CHMP4C: variants seen among roughly 807,000 people sequenced by gnomAD.
The protein encoded by CHMP4C is charged multivesicular body protein 4C, also known as SNF7 homolog associated with Alix 3.
Under a neutral mutation model 29.0 loss-of-function variants are expected in CHMP4C, and 28 were observed. That is an observed-to-expected ratio of 0.97 (90% CI 0.72 to 1.32). CHMP4C has a LOEUF of 1.32. Among genes scored for constraint, CHMP4C ranks in the 40% most tolerant of loss-of-function variants. The pLI is 0.00. For synonymous variants in CHMP4C, 106 were observed against 102.4 expected (o/e 1.04, Z -0.21); for missense variants, 291 against 281.0 (o/e 1.04, Z -0.25).
intron 3 of CHMP4C, among the ~76,000 whole-genome samples, chr8:81,757,552 T>A (rs1323932294): frequency 1.3e-5 from 2 of 152,126 alleles, no homozygotes; most frequent in African/African-American, 2.4e-5. Context: ...CAGAGAGTAG[T>A]TTAAGATTAA....
chr8:81,733,693 G>A (rs114116305), intron 1 of CHMP4C, among the ~76,000 whole-genome samples: 1,779 of 152,192 alleles, frequency 0.012, 28 homozygotes, highest in African/African-American at 0.04. Flanking sequence ...TCCTTCTATT[G>A]GAATACCTCT....
chr8:81,743,972 A>G (rs1808793870), intron 1 of CHMP4C, among the ~76,000 whole-genome samples: 1 of 152,224 alleles, frequency 6.6e-6, no homozygotes, highest in Non-Finnish European at 1.5e-5. Flanking sequence ...CAAAGTTACT[A>G]GCTTGCTTAT....
At chr8:81,736,685 A>T (rs991089798) in intron 1 of CHMP4C, among the ~76,000 whole-genome samples, 1 of 152,204 alleles carries the variant, frequency 6.6e-6, no homozygotes, top group East Asian at 1.9e-4. Context: ...AGCACCTGCC[A>T]GGGAACATTG....
Position 81,759,430 on chromosome 8 carries a change from T to C in CHMP4C, c.*886T>C, listed in dbSNP as rs941615395. Reference sequence around the variant, plus strand: ...GTATTCTTTCTGTTCTGTTTTGTGCTCTCTTGTACATTTATTTACCCTTTA... The same window carrying C: ...GTATTCTTTCTGTTCTGTTTTGTGCCCTCTTGTACATTTATTTACCCTTTA... On this transcript the variant is annotated 3_prime_UTR_variant, in exon 5 of 5. Coordinates refer to ENST00000297265, the MANE Select transcript of CHMP4C (RefSeq NM_152284.4). The C allele has an allele frequency of 1.3e-5, 2 of 152,210 alleles. No individual in the cohort carries two copies. Among genetic ancestry groups the C allele is most frequent in the Non-Finnish European group, 2.9e-5 (2 of 68,034 alleles). The allele number at this position is 152,210 out of a possible 1,614,324, so 9.4% of individuals were successfully genotyped here. A position where few individuals can be genotyped will look rare whatever the true frequency, so the allele number is the denominator to read the frequency against.
chr8:81,736,098 A>G (rs1027952365), intron 1 of CHMP4C, among the ~76,000 whole-genome samples: 49 of 32,710 alleles, frequency 1.5e-3, no homozygotes, highest in African/African-American at 4.8e-3. Flanking sequence ...TAAATAAATA[A>G]ATAAATAAAT....
chr8:81,739,866 C>A (rs1039766250), intron 1 of CHMP4C, among the ~76,000 whole-genome samples: 6 of 152,168 alleles, frequency 3.9e-5, no homozygotes, highest in African/African-American at 1.2e-4. Context: ...GCCTTTTTCC[C>A]ATTGGATGTG....
In CHMP4C at chr8:81,732,779, C is replaced by T. The variant is rs369160578; in HGVS notation, c.153C>T (p.Ile51=). ...EYLENRIQRE[I]ALAKKHGTQN... ...TGGAAAATCGAATCCAGAGAGAAAT[C>T]GCCCTGGCCAAGAAGCACGGCACGC... The change falls in exon 1 of 5, where the codon ATC becomes ATT. Residue 51 remains isoleucine, a synonymous_variant. Coordinates refer to ENST00000297265, the MANE Select transcript of CHMP4C (RefSeq NM_152284.4). 1 of 1,612,220 alleles carries T rather than the reference C, an allele frequency of 6.2e-7. No individual in the cohort carries two copies. The highest frequency in any genetic ancestry group is 8.5e-7 in the Non-Finnish European group (1 of 1,179,246).
chr8:81,750,865 T>C (rs1808893214), intron 1 of CHMP4C, among the ~76,000 whole-genome samples: 2 of 151,964 alleles, frequency 1.3e-5, no homozygotes, highest in African/African-American at 2.4e-5. Flanking sequence ...GAATGCTCAG[T>C]TGGAAAAAGC....
intron 1 of CHMP4C, among the ~76,000 whole-genome samples, chr8:81,746,027 G>A (rs1030339498): frequency 6.6e-6 from 1 of 152,138 alleles, no homozygotes; most frequent in East Asian, 1.9e-4. Flanking sequence ...TAGGGAACAA[G>A]GTTAAGGCCT....
intron 1 of CHMP4C, among the ~76,000 whole-genome samples, chr8:81,738,642 T>C (rs1040818639): frequency 2.0e-5 from 3 of 152,200 alleles, no homozygotes; most frequent in Non-Finnish European, 2.9e-5. Flanking sequence ...ATTCAGCTAG[T>C]TGAATGTCAA....
chr8:81,735,721 G>A (rs903858027), intron 1 of CHMP4C, among the ~76,000 whole-genome samples: 3 of 152,274 alleles, frequency 2.0e-5, no homozygotes, highest in East Asian at 3.9e-4. Context: ...AACAACAGAA[G>A]CTTTGACAGC....
chr8:81,755,626 A>C, intron 3 of CHMP4C, 142 bp downstream of exon 3: 1 of 513,046 alleles, frequency 1.9e-6, no homozygotes, highest in Non-Finnish European at 3.5e-6. Flanking sequence ...AGAAAAATAA[A>C]GTGTTAGTAC....
At chr8:81,755,537 T>C in intron 3 of CHMP4C, 53 bp downstream of exon 3, 3 of 1,037,412 alleles carry the variant, frequency 2.9e-6, no homozygotes, top group South Asian at 1.3e-5. Context: ...AAAGAGTAGC[T>C]TCCTGTCATA....
intron 4 of CHMP4C, 87 bp from the exon 5 acceptor site, chr8:81,758,393 A>C (rs1402064113): frequency 1.3e-6 from 2 of 1,551,018 alleles, no homozygotes; most frequent in African/African-American, 2.7e-5. Context: ...CAAACTGAAC[A>C]CATTTTTATA....
At chr8:81,758,104 A>G (rs1216920080) in intron 3 of CHMP4C, 38 bp from the exon 4 acceptor site, 2 of 1,600,614 alleles carry the variant, frequency 1.2e-6, no homozygotes, top group East Asian at 4.5e-5. Context: ...ATGTCTTGAA[A>G]CGTTAACTCC....
intron 1 of CHMP4C, among the ~76,000 whole-genome samples, chr8:81,738,844 G>T (rs527977509): frequency 6.6e-6 from 1 of 152,272 alleles, no homozygotes; most frequent in South Asian, 2.1e-4. Flanking sequence ...ATTCACTAAA[G>T]ATTCTAATTT....
chr8:81,748,695 C>T (rs1401744001), intron 1 of CHMP4C, among the ~76,000 whole-genome samples: 3 of 151,838 alleles, frequency 2.0e-5, no homozygotes, highest in Non-Finnish European at 4.4e-5. Flanking sequence ...CCCAGCAGGC[C>T]GAGGCAGGCG....
chr8:81,734,726 G>A (rs1184055252), intron 1 of CHMP4C, among the ~76,000 whole-genome samples: 1 of 151,936 alleles, frequency 6.6e-6, no homozygotes, highest in Non-Finnish European at 1.5e-5. Flanking sequence ...AAATAATGTG[G>A]GTTTTACTGA....
At position 81,751,392 on chromosome 8, in the gene CHMP4C, A is replaced by C. The variant is rs10092818; in HGVS notation, c.191-1672A>C. Among the ~76,000 whole-genome samples, 659 of 152,250 alleles carry C rather than the reference A, an allele frequency of 4.3e-3. 5 individuals carry two copies. The highest frequency in any genetic ancestry group is 0.015 in the African/African-American group (632 of 41,576). On this transcript the variant is annotated intron_variant, in intron 1 of 4. Coordinates refer to ENST00000297265, the MANE Select transcript of CHMP4C (RefSeq NM_152284.4). ...AAAGTATAATAAAAAAACTCTATGA[A>C]TCATCAGGAACTAATAAAATTGCAG...
Sources: gnomAD v4.1 joint callset for allele counts (sites outside exome capture counted in the v4.1 genomes callset) on GRCh38, gnomAD v4.1.1 for gene constraint, MANE v1.5 for transcripts, NCBI Gene and HGNC (gene_info 2026-07-23, HGNC 2026-07-21) for gene names.